STT3B: variants seen among roughly 807,000 people sequenced by gnomAD.
The protein encoded by STT3B is dolichyl-diphosphooligosaccharide--protein glycosyltransferase subunit STT3B.
In STT3B, 29 loss-of-function variants were observed where a neutral mutation model predicts 96.8. The ratio of observed to expected loss-of-function variants is 0.30; its 90% confidence interval spans 0.22 to 0.41. STT3B has a LOEUF of 0.41. STT3B is among the 10% of genes least tolerant of loss of function. The pLI, the probability that STT3B is intolerant of heterozygous loss-of-function variation, is 1.00. For synonymous variants in STT3B, 367 were observed against 360.0 expected (o/e 1.02, Z -0.22); for missense variants, 640 against 1,022.3 (o/e 0.63, Z 5.10).
rs1699761679 is a variant in STT3B at position 31,636,831 on chromosome 3, T to A, written c.*767T>A. 3 of 152,208 alleles carry A rather than the reference T, an allele frequency of 2.0e-5. No homozygotes were observed. In the South Asian group the frequency reaches 6.2e-4, roughly 31 times the overall value. 9.4% of individuals were successfully genotyped at this position (152,208 alleles called of 1,614,324 possible). On this transcript the variant is annotated 3_prime_UTR_variant, in exon 16 of 16. Coordinates refer to ENST00000295770, the MANE Select transcript of STT3B (RefSeq NM_178862.3). ...TCATGGCAACTACACAGGATGTTGC[T>A]TACCAGGACGGAGTTTTGGTATCTT...
At chr3:31,577,306 G>A (rs1160557931) in intron 2 of STT3B, among the ~76,000 whole-genome samples, 1 of 151,856 alleles carries the variant, frequency 6.6e-6, no homozygotes, top group Non-Finnish European at 1.5e-5. Context: ...TCATTATTAA[G>A]AGATGCATTT....
intron 1 of STT3B, among the ~76,000 whole-genome samples, chr3:31,551,568 G>A (rs1697562057): frequency 6.6e-6 from 1 of 152,132 alleles, no homozygotes; most frequent in Non-Finnish European, 1.5e-5. Flanking sequence ...GGTCATTTCT[G>A]TTGGTGGTAC....
intron 8 of STT3B, among the ~76,000 whole-genome samples, chr3:31,618,588 C>A (rs1202800334): frequency 2.0e-5 from 3 of 151,356 alleles, no homozygotes; most frequent in African/African-American, 4.9e-5. Flanking sequence ...TAATTTATGC[C>A]CCTCCTCTGT....
At chr3:31,597,444 C>T (rs1698818146) in intron 4 of STT3B, among the ~76,000 whole-genome samples, 1 of 151,960 alleles carries the variant, frequency 6.6e-6, no homozygotes, top group Non-Finnish European at 1.5e-5. Context: ...AGGCATGAGC[C>T]ACCATGCCTG....
chr3:31,616,128 G>C (rs980846394), intron 6 of STT3B, among the ~76,000 whole-genome samples: 2 of 151,864 alleles, frequency 1.3e-5, no homozygotes, highest in African/African-American at 4.8e-5. Context: ...GCTTAGGTTT[G>C]ATGAAGAGTG....
intron 6 of STT3B, among the ~76,000 whole-genome samples, chr3:31,616,610 A>G (rs1394265891): frequency 2.6e-5 from 4 of 151,860 alleles, no homozygotes; most frequent in African/African-American, 7.2e-5. Context: ...CCACCCCAGA[A>G]AACCCCCCTA....
chr3:31,615,114 C>G lies in STT3B; in HGVS notation c.887C>G (p.Thr296Ser), dbSNP rs375479861. The change falls in exon 6 of 16, where the codon ACT (threonine) becomes AGT (serine). Residue 296 changes from threonine (T) to serine (S), a missense_variant. Transcript: ENST00000295770. The part of the protein sequence containing the change: ...YSKRVYIAYS[T>S]FYIVGLILSM... ...TATTTTGTCTTTATAGCATATAGCACTTTCTACATTGTGGGTTTAATATTA... is the reference window on the plus strand; with the variant it reads ...TATTTTGTCTTTATAGCATATAGCAGTTTCTACATTGTGGGTTTAATATTA... 1 of 1,606,172 alleles carries G rather than the reference C, an allele frequency of 6.2e-7. No individual in the cohort carries two copies. The highest frequency in any genetic ancestry group is 8.5e-7 in the Non-Finnish European group (1 of 1,174,608).
chr3:31,610,294 G>T (rs767164826), intron 5 of STT3B, among the ~76,000 whole-genome samples: 7 of 152,094 alleles, frequency 4.6e-5, no homozygotes, highest in Non-Finnish European at 8.8e-5. Context: ...GTATCTACCC[G>T]TTGTGTGTGT....
At position 31,636,052 on chromosome 3, in the gene STT3B, G is replaced by GTA; in HGVS notation, c.2469_2470insTA (p.Lys824Ter). On this transcript the variant is annotated frameshift_variant, in exon 16 of 16. Transcript: ENST00000295770. LOFTEE classifies it high-confidence loss of function. ...TTAAGAAAGGCAAGAAAATATCTAA[G>GTA]AAGACTGTTTAAATGCACTGTTCTG... 1 of 1,607,704 alleles carries GTA rather than the reference G, an allele frequency of 6.2e-7. No homozygotes were observed. Among genetic ancestry groups the GTA allele is most frequent in the Non-Finnish European group, 8.5e-7 (1 of 1,176,910 alleles).
intron 1 of STT3B, among the ~76,000 whole-genome samples, chr3:31,574,035 T>G (rs557418606): frequency 9.0e-4 from 137 of 152,292 alleles, no homozygotes; most frequent in Non-Finnish European, 1.6e-3. Context: ...AGGAAAACTT[T>G]ATGAGGTTGG....
chr3:31,557,925 T>G (rs571065220), intron 1 of STT3B, among the ~76,000 whole-genome samples: 1 of 152,348 alleles, frequency 6.6e-6, no homozygotes, highest in African/African-American at 2.4e-5. Flanking sequence ...CCACTGTATT[T>G]TTTATATCTA....
chr3:31,604,258 A>G (rs950385142), intron 5 of STT3B, among the ~76,000 whole-genome samples: 18 of 152,282 alleles, frequency 1.2e-4, no homozygotes, highest in Non-Finnish European at 2.5e-4. Flanking sequence ...GTTCTGTACA[A>G]ATTATTATGG....
chr3:31,541,548 G>GTAA (rs1165653164), intron 1 of STT3B, among the ~76,000 whole-genome samples: 2 of 147,286 alleles, frequency 1.4e-5, no homozygotes, highest in Non-Finnish European at 3.0e-5. Flanking sequence ...CAATATGTAC[G>GTAA]TAAGTAATAA....
intron 3 of STT3B, among the ~76,000 whole-genome samples, chr3:31,589,260 T>C (rs1036817444): frequency 2.0e-5 from 3 of 152,082 alleles, no homozygotes; most frequent in Admixed American, 2.0e-4. Context: ...TACTGGTATA[T>C]AGGAACAAGT....
intron 5 of STT3B, among the ~76,000 whole-genome samples, chr3:31,609,478 A>G (rs188479880): frequency 1.6e-3 from 239 of 152,356 alleles, no homozygotes; most frequent in Non-Finnish European, 2.0e-3. Context: ...CCAGAATTAA[A>G]TGAATTGTTC....
At position 31,577,794 on chromosome 3, in the gene STT3B, G is replaced by A. The variant is rs75145083; in HGVS notation, c.423+1290G>A. 2.6e-5 allele frequency among the ~76,000 whole-genome samples: 4 copies of A among 152,122 alleles called. No individual in the cohort carries two copies. In the East Asian group the frequency reaches 7.7e-4, roughly 29 times the overall value. ...GAAGTATTAAATGGGTAGTACATAC[G>A]GCAGATAGCTATTATCTGCAGTTCT... is the stretch of plus-strand genomic sequence containing the variant. On this transcript the variant is annotated intron_variant, in intron 2 of 15. Coordinates refer to ENST00000295770, the MANE Select transcript of STT3B (RefSeq NM_178862.3).
intron 13 of STT3B, among the ~76,000 whole-genome samples, chr3:31,626,927 T>C (rs946771302): frequency 6.6e-6 from 1 of 152,286 alleles, no homozygotes; most frequent in African/African-American, 2.4e-5. Context: ...CTTTGTCTAC[T>C]CTGCCAGTAT....
intron 5 of STT3B, among the ~76,000 whole-genome samples, chr3:31,605,711 G>C (rs1376966736): frequency 1.3e-5 from 2 of 152,200 alleles, no homozygotes; most frequent in Non-Finnish European, 2.9e-5. Flanking sequence ...TCAGCAGCAT[G>C]AGAACAGACT....
At chr3:31,547,771 A>G (rs969512842) in intron 1 of STT3B, among the ~76,000 whole-genome samples, 17 of 152,336 alleles carry the variant, frequency 1.1e-4, no homozygotes, top group African/African-American at 3.6e-4. Context: ...CAAAAAGACA[A>G]TAAATTTGTA....
Sources: allele counts gnomAD v4.1 joint callset (sites outside exome capture counted in the v4.1 genomes callset), GRCh38; gene constraint gnomAD v4.1.1; transcripts MANE v1.5; gene names NCBI Gene and HGNC (gene_info 2026-07-23, HGNC 2026-07-21).